Variants in RIMKLA observed in about 807,000 individuals in gnomAD.
RIMKLA encodes the protein N-acetylaspartylglutamate synthase A.
In RIMKLA, 14 loss-of-function variants were observed where a neutral mutation model predicts 32.7. The observed-to-expected ratio is 0.43, with a 90% CI of 0.28 to 0.67. RIMKLA has a LOEUF of 0.67. RIMKLA is among the 30% of genes least tolerant of loss of function. The pLI, the probability that RIMKLA is intolerant of heterozygous loss-of-function variation, is 0.18. For synonymous variants in RIMKLA, 176 were observed against 204.1 expected (o/e 0.86, Z 1.18); for missense variants, 410 against 519.0 (o/e 0.79, Z 2.04).
In RIMKLA at chr1:42,405,464, T is replaced by G. The variant is rs116532827; in HGVS notation, c.481+867T>G. On this transcript the variant is annotated intron_variant, in intron 3 of 4. Transcript: ENST00000431473. ...CATCAGCAACAGAAAGGAGTCTTCC[T>G]GCAGTATATGAGCAGGTGCCTCATC... Among the ~76,000 whole-genome samples the G allele has an allele frequency of 3.8e-3, 572 of 152,286 alleles. 7 individuals carry two copies. The highest frequency in any genetic ancestry group is 0.013 in the African/African-American group (550 of 41,548).
intron 1 of RIMKLA, among the ~76,000 whole-genome samples, chr1:42,386,874 C>G (rs866262586): frequency 1.0e-4 from 10 of 100,220 alleles, no homozygotes; most frequent in Middle Eastern, 6.4e-3. Flanking sequence ...GACACAGACT[C>G]CATCTCAAAT....
chr1:42,407,204 C>A (rs1052169952), intron 3 of RIMKLA, among the ~76,000 whole-genome samples: 1 of 152,174 alleles, frequency 6.6e-6, no homozygotes, highest in Admixed American at 6.5e-5. Context: ...CTGCACCCAG[C>A]CGTATAATGT....
chr1:42,386,358 C>G (rs1642946991), intron 1 of RIMKLA, among the ~76,000 whole-genome samples: 1 of 152,052 alleles, frequency 6.6e-6, no homozygotes, highest in African/African-American at 2.4e-5. Flanking sequence ...CACACCTCAC[C>G]TCCTTGCCAC....
intron 4 of RIMKLA, chr1:42,412,867 G>A: frequency 4.0e-6 from 1 of 247,132 alleles, no homozygotes; most frequent in South Asian, 4.0e-5. Flanking sequence ...CAGGTGTGGT[G>A]GCTTACCCCT....
intron 3 of RIMKLA, among the ~76,000 whole-genome samples, chr1:42,408,765 T>C (rs966786191): frequency 1.3e-5 from 2 of 152,134 alleles, no homozygotes; most frequent in Non-Finnish European, 2.9e-5. Flanking sequence ...TTCCAGTCCT[T>C]GTAAGATGGT....
rs1643242514 is a variant in RIMKLA at position 42,415,916 on chromosome 1, G to T, written c.*942G>T. On this transcript the variant is annotated 3_prime_UTR_variant, in exon 5 of 5. Transcript: ENST00000431473. Reference sequence around the variant, plus strand: ...ACTTTGTGTACTGCTTAGCTGTAGGGGGTTTTCTTGTATGAGTGGGTGTTG... The same window carrying T: ...ACTTTGTGTACTGCTTAGCTGTAGGTGGTTTTCTTGTATGAGTGGGTGTTG... 6.6e-6 allele frequency: 1 copy of T among 152,118 alleles called. No individual in the cohort carries two copies. Among genetic ancestry groups the T allele is most frequent in the South Asian group, 2.1e-4 (1 of 4,820 alleles). 9.4% of individuals were successfully genotyped at this position (152,118 alleles called of 1,614,324 possible). A position where few individuals can be genotyped will look rare whatever the true frequency, so the allele number is the denominator to read the frequency against.
At chr1:42,390,282 C>T (rs1320092627) in intron 1 of RIMKLA, among the ~76,000 whole-genome samples, 5 of 152,162 alleles carry the variant, frequency 3.3e-5, no homozygotes, top group Non-Finnish European at 2.9e-5. Flanking sequence ...AAGTGATTTG[C>T]CGGCCTCAGC....
At chr1:42,399,722 T>G (rs1643080911) in intron 2 of RIMKLA, 88 bp downstream of exon 2, 3 of 805,002 alleles carry the variant, frequency 3.7e-6, no homozygotes, top group Middle Eastern at 2.3e-4. Context: ...TGCTTTTGAA[T>G]GTGAGTCTGT....
At chr1:42,384,048 G>T (rs897457551) in intron 1 of RIMKLA, among the ~76,000 whole-genome samples, 9 of 152,182 alleles carry the variant, frequency 5.9e-5, no homozygotes, top group African/African-American at 2.2e-4. Flanking sequence ...TGATGGTGGA[G>T]TTGATTGGGG....
At chr1:42,401,760 T>A (rs1570323824) in intron 2 of RIMKLA, among the ~76,000 whole-genome samples, 1 of 152,302 alleles carries the variant, frequency 6.6e-6, no homozygotes. Context: ...ATGGTAGGGA[T>A]ACAAAGTTAT....
At chr1:42,386,410 G>A (rs982134071) in intron 1 of RIMKLA, among the ~76,000 whole-genome samples, 16 of 152,050 alleles carry the variant, frequency 1.1e-4, no homozygotes, top group African/African-American at 3.1e-4. Context: ...GCATATGTCA[G>A]TGTTAGCCTC....
At chr1:42,390,757 T>G (rs1642993503) in intron 1 of RIMKLA, among the ~76,000 whole-genome samples, 1 of 152,208 alleles carries the variant, frequency 6.6e-6, no homozygotes, top group Admixed American at 6.5e-5. Flanking sequence ...ATATAATGAT[T>G]GCCAGACATT....
At chr1:42,390,067 A>G (rs1642987780) in intron 1 of RIMKLA, among the ~76,000 whole-genome samples, 2 of 122,294 alleles carry the variant, frequency 1.6e-5, no homozygotes, top group Non-Finnish European at 3.3e-5. Flanking sequence ...GAGACGGAGT[A>G]TCGCCAGTCA....
In RIMKLA at chr1:42,403,786, T is replaced by C. The variant is rs1643120858; in HGVS notation, c.395-725T>C. 3.3e-5 allele frequency among the ~76,000 whole-genome samples: 5 copies of C among 152,238 alleles called. No individual in the cohort carries two copies. In the South Asian group the frequency reaches 1.0e-3, roughly 32 times the overall value. ...CATAGCTGGGTTCTCTGGTTAGGTG[T>C]CCTTAGGCTGAAATCATGGTGTCAG... On this transcript the variant is annotated intron_variant, in intron 2 of 4. Coordinates refer to ENST00000431473, the MANE Select transcript of RIMKLA (RefSeq NM_173642.4).
intron 1 of RIMKLA, among the ~76,000 whole-genome samples, chr1:42,394,627 A>G (rs1259066691): frequency 6.6e-6 from 1 of 152,194 alleles, no homozygotes; most frequent in East Asian, 1.9e-4. Context: ...AGAATGGTTA[A>G]GTTTTAGAAC....
chr1:42,402,868 AG>A (rs1643112577), intron 2 of RIMKLA, among the ~76,000 whole-genome samples: 1 of 152,154 alleles, frequency 6.6e-6, no homozygotes, highest in Non-Finnish European at 1.5e-5. Flanking sequence ...CTGGGATTCC[AG>A]GCATGAGCCA....
At chr1:42,390,112 G>A (rs965923333) in intron 1 of RIMKLA, among the ~76,000 whole-genome samples, 5 of 143,362 alleles carry the variant, frequency 3.5e-5, no homozygotes, top group Non-Finnish European at 6.0e-5. Context: ...ATCTCAGCTC[G>A]CCGCAACCTC....
In RIMKLA at chr1:42,418,625, G is replaced by C. The variant is rs150195937; in HGVS notation, c.*3651G>C. ...ATCAGAGGTAGATGTCTTTGAAGCT[G>C]TTCTGCATAAAGATAATGAGATGCA... On this transcript the variant is annotated 3_prime_UTR_variant, in exon 5 of 5. Coordinates refer to ENST00000431473, the MANE Select transcript of RIMKLA (RefSeq NM_173642.4). 1.3e-5 allele frequency: 2 copies of C among 152,220 alleles called. No individual in the cohort carries two copies. The highest frequency in any genetic ancestry group is 2.9e-5 in the Non-Finnish European group (2 of 68,024). The allele number at this position is 152,220 out of a possible 1,614,324, so 9.4% of individuals were successfully genotyped here.
At position 42,415,099 on chromosome 1, in the gene RIMKLA, C is replaced by A; in HGVS notation, c.*125C>A. On this transcript the variant is annotated 3_prime_UTR_variant, in exon 5 of 5. Transcript: ENST00000431473. Reference sequence around the variant, plus strand: ...CTAGAAATCCCATCTGGGCACTCAGCATTTTTTCTAACGATGATTTAAGCA... The same window carrying A: ...CTAGAAATCCCATCTGGGCACTCAGAATTTTTTCTAACGATGATTTAAGCA... The A allele has an allele frequency of 9.3e-7, 1 of 1,076,168 alleles. No individual in the cohort carries two copies. The highest frequency in any genetic ancestry group is 1.3e-6 in the Non-Finnish European group (1 of 754,558). The allele number at this position is 1,076,168 out of a possible 1,614,324, so 66.7% of individuals were successfully genotyped here.
Sources: allele counts gnomAD v4.1 joint callset (sites outside exome capture counted in the v4.1 genomes callset), GRCh38; gene constraint gnomAD v4.1.1; transcripts MANE v1.5; gene names NCBI Gene and HGNC (gene_info 2026-07-23, HGNC 2026-07-21).